The following PCDHA10 variants were observed in gnomAD, a reference collection of about 807,000 sequenced individuals.
The protein encoded by PCDHA10 is protocadherin alpha-10.
A neutral mutation model predicts 61.2 loss-of-function variants in PCDHA10; 45 were observed. The observed-to-expected ratio is 0.74, with a 90% CI of 0.58 to 0.94. The LOEUF (loss-of-function observed/expected upper bound fraction) is 0.94. Ranked by LOEUF, PCDHA10 falls within the 40% of genes least tolerant of loss-of-function variation. The pLI is 0.00. For synonymous variants in PCDHA10, 602 were observed against 548.8 expected (o/e 1.10, Z -1.35); for missense variants, 1,278 against 1,236.2 (o/e 1.03, Z -0.51).
chr5:140,886,786 A>C (rs2061126610), intron 1 of PCDHA10, among the ~76,000 whole-genome samples: 1 of 150,390 alleles, frequency 6.6e-6, no homozygotes, highest in East Asian at 2.0e-4. Context: ...AGATCATGCT[A>C]CTGTACTCCA....
chr5:140,871,506 A>G, intron 1 of PCDHA10: 11 of 1,580,864 alleles, frequency 7.0e-6, no homozygotes, highest in Non-Finnish European at 8.6e-6. Flanking sequence ...TGAGTTTTCT[A>G]CAGATTCCAC....
At chr5:140,917,397 C>T (rs1606123) in intron 1 of PCDHA10, among the ~76,000 whole-genome samples, 6,084 of 150,666 alleles carry the variant, frequency 0.04, 137 homozygotes, top group Non-Finnish European at 0.052. Context: ...TGTGCAGAAG[C>T]TCTTTAGTTT....
intron 1 of PCDHA10, chr5:140,868,074 T>C (rs1554161742): frequency 6.6e-6 from 1 of 152,138 alleles, no homozygotes; most frequent in Non-Finnish European, 1.5e-5. Context: ...AGGGTGATTT[T>C]ATTTATTTTA....
intron 3 of PCDHA10, among the ~76,000 whole-genome samples, chr5:140,985,957 T>A (rs2097180705): frequency 6.6e-6 from 1 of 152,084 alleles, no homozygotes. Context: ...GCCAGGATGG[T>A]CTCAATCTCC....
intron 1 of PCDHA10, among the ~76,000 whole-genome samples, chr5:140,941,255 C>CTTTCTTTCTTTCTT (rs782490896): frequency 4.1e-3 from 183 of 44,496 alleles, no homozygotes; most frequent in African/African-American, 4.7e-3. Context: ...TTCTTTCTTT[C>CTTTCTTTCTTTCTT]TCTTTCTTTC....
intron 1 of PCDHA10, chr5:140,863,693 C>T: frequency 3.3e-6 from 1 of 301,562 alleles, no homozygotes; most frequent in African/African-American, 2.2e-5. Flanking sequence ...TTTTGAGATG[C>T]TTTATTTAAA....
rs77488964 is a variant in PCDHA10, at chr5:140,929,006, C to T, written c.2389-49943C>T. The T allele has an allele frequency of 3.2e-3, 5,179 of 1,614,048 alleles. 25 individuals carry two copies. Among genetic ancestry groups the T allele is most frequent in the African/African-American group, 0.019 (1,447 of 75,028 alleles). ...GGGTGCTTACTTTTCTTCGTGTGTA[C>T]CAAGTTGCACCAGAGCCCAGGCTGT... is the stretch of plus-strand genomic sequence containing the variant. On this transcript the variant is annotated intron_variant, in intron 1 of 3. Coordinates refer to ENST00000307360, the MANE Select transcript of PCDHA10 (RefSeq NM_018901.4).
chr5:141,011,190 T>C lies in PCDHA10; in HGVS notation c.*1253T>C, dbSNP rs1321258440. On this transcript the variant is annotated 3_prime_UTR_variant, in exon 4 of 4. Coordinates refer to ENST00000307360, the MANE Select transcript of PCDHA10 (RefSeq NM_018901.4). Reference sequence around the variant, plus strand: ...AAGACCCAAAAATTGAAGAAAAATATTGTTTTCTCATACAGTGAGCAGATT... The same window carrying C: ...AAGACCCAAAAATTGAAGAAAAATACTGTTTTCTCATACAGTGAGCAGATT... The C allele has an allele frequency of 1.3e-5, 2 of 153,748 alleles. No individual in the cohort carries two copies. The highest frequency in any genetic ancestry group is 1.9e-4 in the East Asian group (1 of 5,200). The allele number at this position is 153,748 out of a possible 1,614,324, so 9.5% of individuals were successfully genotyped here. A position where few individuals can be genotyped will look rare whatever the true frequency, so the allele number is the denominator to read the frequency against.
chr5:140,973,741 G>C (rs925905924), intron 1 of PCDHA10, among the ~76,000 whole-genome samples: 1 of 152,206 alleles, frequency 6.6e-6, no homozygotes, highest in Admixed American at 6.5e-5. Context: ...GTCTAACTCA[G>C]AACACTCTGC....
chr5:140,908,155 G>A (rs559304647), intron 1 of PCDHA10, among the ~76,000 whole-genome samples: 3 of 152,312 alleles, frequency 2.0e-5, no homozygotes, highest in East Asian at 3.9e-4. Flanking sequence ...TCCTAGGAAG[G>A]GGCTGTAGTG....
At chr5:140,884,556 G>T in intron 1 of PCDHA10, 1 of 1,614,154 alleles carries the variant, frequency 6.2e-7, no homozygotes, top group Non-Finnish European at 8.5e-7. Context: ...TCTGGGGAGG[G>T]CCCGCATAAG....
At chr5:140,882,143 C>T in intron 1 of PCDHA10, 1 of 1,494,048 alleles carries the variant, frequency 6.7e-7, no homozygotes, top group Non-Finnish European at 8.9e-7. Context: ...GAAAATATAG[C>T]AGAAAGCGGA....
At chr5:140,990,627 A>G (rs782672988) in intron 3 of PCDHA10, among the ~76,000 whole-genome samples, 16 of 152,198 alleles carry the variant, frequency 1.1e-4, no homozygotes, top group Non-Finnish European at 1.5e-4. Flanking sequence ...GTCTGTGGTA[A>G]GACTAGAAGC....
At chr5:140,989,413 T>G (rs1234033175) in intron 3 of PCDHA10, among the ~76,000 whole-genome samples, 3 of 152,172 alleles carry the variant, frequency 2.0e-5, no homozygotes, top group Non-Finnish European at 4.4e-5. Context: ...GAGTCTGCAC[T>G]TCACTCTGTG....
chr5:140,857,871 A>G lies in PCDHA10; in HGVS notation c.1823A>G (p.Tyr608Cys), dbSNP rs2044971374. The G allele has an allele frequency of 6.3e-7, 1 of 1,597,628 alleles. No individual in the cohort carries two copies. The change falls in exon 1 of 4, where the codon TAT (tyrosine) becomes TGT (cysteine). Residue 608 changes from tyrosine to cysteine, a missense_variant. Coordinates refer to ENST00000307360, the MANE Select transcript of PCDHA10 (RefSeq NM_018901.4). ...TCTGGATACAACGCGTGGCTGTCGT[A>G]TGAATTGCAGTCGGCGGCGGTTGGT... ...ADSGYNAWLS[Y>C]ELQSAAVGAR...
At chr5:140,881,559 C>A (rs1293330721) in intron 1 of PCDHA10, among the ~76,000 whole-genome samples, 1 of 152,174 alleles carries the variant, frequency 6.6e-6, no homozygotes, top group East Asian at 1.9e-4. Context: ...ATATAAATAT[C>A]TTATCTACAT....
chr5:140,938,991 T>C (rs2092291799), intron 1 of PCDHA10, among the ~76,000 whole-genome samples: 2 of 152,230 alleles, frequency 1.3e-5, no homozygotes, highest in South Asian at 2.1e-4. Context: ...TGGCTTTATA[T>C]AGTAAGTTAA....
At chr5:140,942,382 A>C (rs1341028342) in intron 1 of PCDHA10, among the ~76,000 whole-genome samples, 2 of 152,102 alleles carry the variant, frequency 1.3e-5, no homozygotes, top group African/African-American at 4.8e-5. Context: ...ACTGCATTCC[A>C]GCCTGGGCGA....
intron 2 of PCDHA10, among the ~76,000 whole-genome samples, chr5:140,980,115 G>A (rs1263722649): frequency 6.6e-6 from 1 of 152,142 alleles, no homozygotes; most frequent in African/African-American, 2.4e-5. Flanking sequence ...ATTGGAACCT[G>A]GGTCATAATT....
Sources: allele counts gnomAD v4.1 joint callset (sites outside exome capture counted in the v4.1 genomes callset), GRCh38; gene constraint gnomAD v4.1.1; transcripts MANE v1.5; gene names NCBI Gene and HGNC (gene_info 2026-07-23, HGNC 2026-07-21).